The following MAP3K2 variants were observed in gnomAD, a reference collection of about 807,000 sequenced individuals.
MAP3K2 encodes MAP/ERK kinase kinase 2.
In MAP3K2, 24 loss-of-function variants were observed where a neutral mutation model predicts 80.3. That is an observed-to-expected ratio of 0.30 (90% CI 0.22 to 0.42). The LOEUF (loss-of-function observed/expected upper bound fraction) is 0.42, where lower values mean the gene tolerates loss of function less well. Among genes scored for constraint, MAP3K2 ranks in the 10% least tolerant of loss-of-function variants. The probability of loss-of-function intolerance (pLI) is 1.00; values close to 1 mark genes in which losing one functional copy is unlikely to be tolerated. For missense variants in MAP3K2, 608 were observed against 750.1 expected, an observed-to-expected ratio of 0.81 and a Z score of 2.21; for synonymous variants, 244 against 253.7, an observed-to-expected ratio of 0.96 and a Z score of 0.36.
At chr2:127,373,564 C>G (rs192782291) in intron 1 of MAP3K2, among the ~76,000 whole-genome samples, 2 of 152,168 alleles carry the variant, frequency 1.3e-5, no homozygotes, top group Non-Finnish European at 2.9e-5. Flanking sequence ...TTAACTCCTA[C>G]GGCACAAAGG....
At chr2:127,369,411 T>A (rs1574005360) in intron 1 of MAP3K2, among the ~76,000 whole-genome samples, 1 of 126,908 alleles carries the variant, frequency 7.9e-6, no homozygotes, top group Non-Finnish European at 1.6e-5. Context: ...GGCGGGCGGA[T>A]CACGAGGTCA....
chr2:127,338,977 G>C lies in MAP3K2; in HGVS notation c.78C>G (p.Ser26=). ...VLHKASRPAL[S]LQETRKAKSS... Reference sequence around the variant, plus strand: ...ATTTTGCTTTTCTGGTTTCCTGCAAGGATAATGCTGGTCGACTGGCCTTAT... The same window carrying C: ...ATTTTGCTTTTCTGGTTTCCTGCAACGATAATGCTGGTCGACTGGCCTTAT... The change falls in exon 3 of 17, where the codon TCC becomes TCG. Residue 26 remains serine (S), a synonymous_variant. Coordinates refer to ENST00000682094, the MANE Select transcript of MAP3K2 (RefSeq NM_001371910.2). 1.2e-6 allele frequency: 2 copies of C among 1,612,668 alleles called. No homozygotes were observed. Among genetic ancestry groups the C allele is most frequent in the Non-Finnish European group, 1.7e-6 (2 of 1,179,378 alleles).
At chr2:127,388,239 C>A, upstream of MAP3K2, 1 of 863,542 alleles carries the variant, frequency 1.2e-6, no homozygotes, top group Non-Finnish European at 1.4e-6. Context: ...GTGCGCGGCG[C>A]ATACGCACCT....
chr2:127,324,401 C>T (rs531740555), intron 9 of MAP3K2, among the ~76,000 whole-genome samples, 160 bp from the exon 10 acceptor site: 4 of 152,316 alleles, frequency 2.6e-5, no homozygotes, highest in African/African-American at 7.2e-5. Context: ...AAAAACTACA[C>T]TTACTTGGTA....
At chr2:127,325,662 TG>T in intron 9 of MAP3K2, 65 bp downstream of exon 9, 2 of 1,305,236 alleles carry the variant, frequency 1.5e-6, no homozygotes, top group Non-Finnish European at 2.2e-6. Context: ...CGCTCCAGCC[TG>T]GGTGACAGCA....
intron 12 of MAP3K2, among the ~76,000 whole-genome samples, chr2:127,319,575 C>A (rs1328270963): frequency 7.4e-6 from 1 of 135,720 alleles, no homozygotes; most frequent in Non-Finnish European, 1.5e-5. Context: ...GAGGCCGAGG[C>A]GGACAGATCA....
intron 1 of MAP3K2, among the ~76,000 whole-genome samples, chr2:127,355,384 G>A (rs1686779987): frequency 6.6e-6 from 1 of 152,106 alleles, no homozygotes; most frequent in South Asian, 2.1e-4. Flanking sequence ...GATATTGCGG[G>A]TTCAGTTACA....
rs980773853 is a variant in MAP3K2, at chr2:127,387,453, G to T, written c.-67C>A. On this transcript the variant is annotated splice_region_variant and 5_prime_UTR_variant, in exon 1 of 17. Transcript: ENST00000682094. ...GCGCGCACGCACACACGCACGTACC[G>T]GCTGCTCCGCAGGGACGTAGAGAGC... The T allele has an allele frequency of 6.1e-6, 6 of 975,800 alleles. No individual in the cohort carries two copies. The highest frequency in any genetic ancestry group is 1.9e-5 in the African/African-American group (1 of 51,810). 60.4% of individuals were successfully genotyped at this position (975,800 alleles called of 1,614,324 possible). A position where few individuals can be genotyped will look rare whatever the true frequency, so the allele number is the denominator to read the frequency against.
At chr2:127,366,285 T>G (rs891344967) in intron 1 of MAP3K2, among the ~76,000 whole-genome samples, 2 of 151,488 alleles carry the variant, frequency 1.3e-5, no homozygotes, top group African/African-American at 4.9e-5. Context: ...TGGTCGTGTA[T>G]GCCTGCAGCC....
Position 127,305,735 on chromosome 2 carries a change from A to G in MAP3K2, c.*1844T>C, listed in dbSNP as rs995075430. The G allele has an allele frequency of 4.6e-5, 7 of 152,148 alleles. No individual in the cohort carries two copies. The highest frequency in any genetic ancestry group is 1.7e-4 in the African/African-American group (7 of 41,442). 9.4% of individuals were successfully genotyped at this position (152,148 alleles called of 1,614,324 possible). ...ACTTAGCACTTGCTTTAACATGCTG[A>G]AAAAAACTGCAAGTGGCCAAATTGC... On this transcript the variant is annotated 3_prime_UTR_variant, in exon 17 of 17. Transcript: ENST00000682094.
chr2:127,377,136 T>A (rs1013353694), intron 1 of MAP3K2, among the ~76,000 whole-genome samples: 3 of 152,130 alleles, frequency 2.0e-5, no homozygotes, highest in African/African-American at 7.2e-5. Flanking sequence ...ATAAATACTT[T>A]AACTATGGAC....
rs912322446 is a variant in MAP3K2 at position 127,301,632 on chromosome 2, G to A, written c.*5947C>T. Reference sequence around the variant, plus strand: ...ACAAACAAGAAGTCATCAGGCAGAAGGAACAATGGTACTGATTTAATGCCT... The same window carrying A: ...ACAAACAAGAAGTCATCAGGCAGAAAGAACAATGGTACTGATTTAATGCCT... On this transcript the variant is annotated 3_prime_UTR_variant, in exon 17 of 17. Transcript: ENST00000682094. 8 of 152,190 alleles carry A rather than the reference G, an allele frequency of 5.3e-5. No individual in the cohort carries two copies. The highest frequency in any genetic ancestry group is 1.3e-4 in the Admixed American group (2 of 15,278). The allele number at this position is 152,190 out of a possible 1,614,324, so 9.4% of individuals were successfully genotyped here. A position where few individuals can be genotyped will look rare whatever the true frequency, so the allele number is the denominator to read the frequency against.
Position 127,307,903 on chromosome 2 carries a change from T to A in MAP3K2, c.1635-99A>T. ...AACAGGCATTAAGTCCATATATATT[T>A]AAATATGACTTAATTTCAAGTTCAA... On this transcript the variant is annotated intron_variant, in intron 16 of 16. Coordinates refer to ENST00000682094, the MANE Select transcript of MAP3K2 (RefSeq NM_001371910.2). This position sits in a 1 kb window ranked among gnomAD's most constrained non-coding sequence, Gnocchi z 5.4. 1 of 686,582 alleles carries A rather than the reference T, an allele frequency of 1.5e-6. No homozygotes were observed. The highest frequency in any genetic ancestry group is 2.3e-6 in the Non-Finnish European group (1 of 430,484). 42.5% of individuals were successfully genotyped at this position (686,582 alleles called of 1,614,324 possible). A position where few individuals can be genotyped will look rare whatever the true frequency, so the allele number is the denominator to read the frequency against.
intron 2 of MAP3K2, among the ~76,000 whole-genome samples, chr2:127,342,388 G>GGGGTGTGTGTGT (rs143219830): frequency 1.1e-4 from 17 of 147,862 alleles, no homozygotes; most frequent in East Asian, 4.0e-4. Context: ...TCTTCATGAG[G>GGGGTGTGTGTGT]GTGTGTGTGT....
At chr2:127,360,810 G>T (rs1025062683) in intron 1 of MAP3K2, among the ~76,000 whole-genome samples, 1 of 152,088 alleles carries the variant, frequency 6.6e-6, no homozygotes, top group African/African-American at 2.4e-5. Flanking sequence ...CAAATCTGTC[G>T]TCATTGGTTA....
chr2:127,388,049 C>T (rs919670392), upstream of MAP3K2: 37 of 983,248 alleles, frequency 3.8e-5, no homozygotes, highest in Admixed American at 6.2e-5. Flanking sequence ...GGTAGCGGAA[C>T]CCGCCGCGGG....
At chr2:127,340,750 G>A (rs913879244) in intron 2 of MAP3K2, among the ~76,000 whole-genome samples, 3 of 151,694 alleles carry the variant, frequency 2.0e-5, no homozygotes, top group African/African-American at 7.3e-5. Context: ...AGAGATGGGG[G>A]TCTCACCATG....
In MAP3K2 at chr2:127,303,430, G is replaced by A. The variant is rs1395891496; in HGVS notation, c.*4149C>T. The stretch of plus-strand genomic sequence containing the variant: ...GTTTTGCAGTAAGAGGGGGTCCTGA[G>A]AGAGATGCTATGTGACCTGGTTGGG... On this transcript the variant is annotated 3_prime_UTR_variant, in exon 17 of 17. Transcript: ENST00000682094. 1 of 152,056 alleles carries A rather than the reference G, an allele frequency of 6.6e-6. No individual in the cohort carries two copies. Among genetic ancestry groups the A allele is most frequent in the East Asian group, 1.9e-4 (1 of 5,192 alleles). The allele number at this position is 152,056 out of a possible 1,614,324, so 9.4% of individuals were successfully genotyped here. A position where few individuals can be genotyped will look rare whatever the true frequency, so the allele number is the denominator to read the frequency against.
At chr2:127,369,961 A>G (rs535734487) in intron 1 of MAP3K2, among the ~76,000 whole-genome samples, 2 of 152,336 alleles carry the variant, frequency 1.3e-5, no homozygotes, top group South Asian at 2.1e-4. Context: ...AAAGCTTCGG[A>G]AAAAGATTTG....
Sources: allele counts gnomAD v4.1 joint callset (sites outside exome capture counted in the v4.1 genomes callset), GRCh38; gene constraint gnomAD v4.1.1; non-coding constraint Gnocchi (gnomAD v3.1); transcripts MANE v1.5; gene names NCBI Gene and HGNC (gene_info 2026-07-23, HGNC 2026-07-21).